The following PPP1R3A variants were observed in gnomAD, a reference collection of about 807,000 sequenced individuals.
PPP1R3A encodes protein phosphatase 1 regulatory subunit 3A.
In PPP1R3A, 29 loss-of-function variants were observed where a neutral mutation model predicts 41.7. The ratio of observed to expected loss-of-function variants is 0.70; its 90% CI spans 0.52 to 0.95. PPP1R3A has a LOEUF of 0.95. Among genes scored for constraint, PPP1R3A ranks in the 40% least tolerant of loss-of-function variants. PPP1R3A has a pLI of 0.00. For synonymous variants in PPP1R3A, 485 were observed against 453.4 expected, an observed-to-expected ratio of 1.07 and a Z score of -0.89; for missense variants, 1,352 against 1,292.4, an observed-to-expected ratio of 1.05 and a Z score of -0.71.
Position 113,878,391 on chromosome 7 carries a change from C to T in PPP1R3A, c.2701G>A (p.Ala901Thr), listed in dbSNP as rs1796609959. ...GCTCTATTAGTGTCTGAGTTAAAAG[C>T]AGAATGCACAATGGCATCCGAGTCT... The part of the protein sequence containing the change: ...KTDSDAIVHS[A>T]FNSDTNRAPQ... The change falls in exon 4 of 4, where the codon GCT becomes ACT. Residue 901 changes from alanine (A) to threonine (T), a missense_variant. Physicochemically the swap from Ala to Thr is moderately conservative, Grantham distance 58. Coordinates refer to ENST00000284601, the MANE Select transcript of PPP1R3A (RefSeq NM_002711.4). 1 of 1,611,860 alleles carries T rather than the reference C, an allele frequency of 6.2e-7. No homozygotes were observed. Among genetic ancestry groups the T allele is most frequent in the Non-Finnish European group, 8.5e-7 (1 of 1,179,646 alleles).
chr7:113,881,365 G>A (rs1316362108), intron 3 of PPP1R3A, among the ~76,000 whole-genome samples: 1 of 151,930 alleles, frequency 6.6e-6, no homozygotes, highest in Non-Finnish European at 1.5e-5. Context: ...AGGATAAATT[G>A]CATTATGTGA....
At chr7:113,893,666 G>A (rs1192950236) in intron 1 of PPP1R3A, among the ~76,000 whole-genome samples, 1 of 151,994 alleles carries the variant, frequency 6.6e-6, no homozygotes, top group Non-Finnish European at 1.5e-5. Context: ...AAGCATTCAA[G>A]TAACTTAGAA....
chr7:113,917,777 C>A (rs1448544222), intron 1 of PPP1R3A, among the ~76,000 whole-genome samples: 1 of 151,926 alleles, frequency 6.6e-6, no homozygotes, highest in Non-Finnish European at 1.5e-5. Flanking sequence ...GAGAAGTTTA[C>A]AAATTTCTGA....
intron 1 of PPP1R3A, among the ~76,000 whole-genome samples, chr7:113,896,606 G>A (rs1007425266): frequency 6.6e-6 from 1 of 151,808 alleles, no homozygotes; most frequent in African/African-American, 2.4e-5. Context: ...TGGACTGAAG[G>A]TGGGTGGGGA....
chr7:113,901,676 G>T (rs140955345), intron 1 of PPP1R3A, among the ~76,000 whole-genome samples: 1 of 151,676 alleles, frequency 6.6e-6, no homozygotes, highest in Non-Finnish European at 1.5e-5. Flanking sequence ...AAGCAAACTG[G>T]TCCAGGGTTA....
chr7:113,902,099 G>A (rs558718208), intron 1 of PPP1R3A, among the ~76,000 whole-genome samples: 2 of 151,776 alleles, frequency 1.3e-5, no homozygotes, highest in Admixed American at 1.3e-4. Context: ...TGGAATCTCT[G>A]AGAACTCAGT....
intron 1 of PPP1R3A, among the ~76,000 whole-genome samples, chr7:113,903,005 T>C (rs948490470): frequency 2.6e-5 from 4 of 151,782 alleles, no homozygotes; most frequent in African/African-American, 9.7e-5. Context: ...GCTAAGAGCA[T>C]AGTAAGAGTT....
intron 3 of PPP1R3A, 88 bp from the exon 4 acceptor site, chr7:113,880,213 G>T: frequency 1.8e-6 from 2 of 1,140,706 alleles, no homozygotes; most frequent in Non-Finnish European, 2.5e-6. Context: ...AACTCGGCTA[G>T]TAATTATCTG....
intron 1 of PPP1R3A, among the ~76,000 whole-genome samples, chr7:113,912,853 G>A (rs1797274148): frequency 6.6e-6 from 1 of 152,028 alleles, no homozygotes; most frequent in Non-Finnish European, 1.5e-5. Context: ...GGCATTCATA[G>A]TGACTCCTTT....
At chr7:113,914,751 CTA>C (rs1270646843) in intron 1 of PPP1R3A, among the ~76,000 whole-genome samples, 1 of 152,216 alleles carries the variant, frequency 6.6e-6, no homozygotes, top group African/African-American at 2.4e-5. Flanking sequence ...ATCTCAACCC[CTA>C]TGAGATAGAG....
chr7:113,910,466 C>A (rs891201181), intron 1 of PPP1R3A, among the ~76,000 whole-genome samples: 57 of 152,040 alleles, frequency 3.7e-4, no homozygotes, highest in Non-Finnish European at 1.5e-4. Context: ...TATGCACCTA[C>A]TTAAGATTAT....
At chr7:113,911,877 A>C (rs537166460) in intron 1 of PPP1R3A, among the ~76,000 whole-genome samples, 2 of 152,214 alleles carry the variant, frequency 1.3e-5, no homozygotes, top group South Asian at 4.1e-4. Flanking sequence ...ATTTATCACC[A>C]ATGTCATTAA....
Position 113,918,840 on chromosome 7 carries a change from A to G in PPP1R3A, c.157T>C (p.Tyr53His), listed in dbSNP as rs764475684. ...GTACCTGAAGATGGGGTATCCAGGT[A>G]TATGTCTTCAGAAGAATCAGAACCT... is the stretch of plus-strand genomic sequence containing the variant. ...RRGSDSSEDI[Y>H]LDTPSSGTRR... The change falls in exon 1 of 4, where the codon TAC becomes CAC. Residue 53 changes from tyrosine (Y) to histidine (H), a missense_variant. By Grantham distance (83) the Tyr-to-His change is moderately conservative. Transcript: ENST00000284601. 4 of 1,613,804 alleles carry G rather than the reference A, an allele frequency of 2.5e-6. No homozygotes were observed. The highest frequency in any genetic ancestry group is 3.4e-6 in the Non-Finnish European group (4 of 1,179,848).
At chr7:113,899,236 C>T (rs914895362) in intron 1 of PPP1R3A, among the ~76,000 whole-genome samples, 1 of 151,738 alleles carries the variant, frequency 6.6e-6, no homozygotes, top group African/African-American at 2.4e-5. Context: ...TTACTTATTG[C>T]AGTAGTGTAT....
At chr7:113,912,311 T>TG (rs1417230076) in intron 1 of PPP1R3A, among the ~76,000 whole-genome samples, 1 of 152,066 alleles carries the variant, frequency 6.6e-6, no homozygotes, top group East Asian at 1.9e-4. Context: ...CTGACCTCAA[T>TG]GGGTATAAGA....
intron 1 of PPP1R3A, among the ~76,000 whole-genome samples, chr7:113,915,226 A>G (rs1333037009): frequency 6.6e-6 from 1 of 152,076 alleles, no homozygotes; most frequent in Non-Finnish European, 1.5e-5. Context: ...GGAGATTTGC[A>G]AACTCTTAAC....
At chr7:113,906,861 T>C (rs890974283) in intron 1 of PPP1R3A, among the ~76,000 whole-genome samples, 9 of 151,764 alleles carry the variant, frequency 5.9e-5, no homozygotes, top group Non-Finnish European at 1.2e-4. Context: ...AAATAGGCAA[T>C]ATTTAACATT....
intron 1 of PPP1R3A, among the ~76,000 whole-genome samples, chr7:113,890,689 A>T (rs1325233916): frequency 6.6e-6 from 1 of 152,124 alleles, no homozygotes; most frequent in African/African-American, 2.4e-5. Context: ...TGTGACTTAC[A>T]GAATAAAATA....
intron 1 of PPP1R3A, among the ~76,000 whole-genome samples, chr7:113,884,539 T>C (rs73435639): frequency 0.029 from 4,472 of 151,942 alleles, 220 homozygotes; most frequent in African/African-American, 0.1. Context: ...TTTCAGTAAG[T>C]TGAGAGAGAG....
Sources: gnomAD v4.1 joint callset for allele counts (sites outside exome capture counted in the v4.1 genomes callset) on GRCh38, gnomAD v4.1.1 for gene constraint, MANE v1.5 for transcripts, NCBI Gene and HGNC (gene_info 2026-07-23, HGNC 2026-07-21) for gene names.